The following ERP44 variants were observed in gnomAD, a reference collection of about 807,000 sequenced individuals.
ERP44 encodes the protein endoplasmic reticulum protein 44, also known as endoplasmic reticulum resident protein 44.
In ERP44, 25 loss-of-function variants were observed where a neutral mutation model predicts 53.4. The observed-to-expected ratio is 0.47, with a 90% CI of 0.34 to 0.65. The LOEUF (loss-of-function observed/expected upper bound fraction) is 0.65, where lower values mean the gene tolerates loss of function less well. Ranked by LOEUF, ERP44 falls within the 30% of genes least tolerant of loss-of-function variation. The pLI is 0.01. For missense variants in ERP44, 338 were observed against 493.2 expected, an observed-to-expected ratio of 0.69 and a Z score of 2.98; for synonymous variants, 145 against 161.2, an observed-to-expected ratio of 0.90 and a Z score of 0.76.
intron 1 of ERP44, among the ~76,000 whole-genome samples, chr9:100,067,168 G>GCTCT (rs1257842475): frequency 1.4e-5 from 2 of 146,824 alleles, no homozygotes; most frequent in Admixed American, 1.3e-4. Flanking sequence ...TCTCCCTCTC[G>GCTCT]CTCTCCCTCT....
rs1269596807 is a variant in ERP44 at position 100,022,230 on chromosome 9, A to C, written c.287-4T>G. ...CTGTATCTCTGGGCTATGTCAGCTA[A>C]AAGAATGAAAAAAAATTATTTACCC... On this transcript the variant is annotated splice_polypyrimidine_tract_variant and splice_region_variant and intron_variant, in intron 4 of 11. Coordinates refer to ENST00000262455, the MANE Select transcript of ERP44 (RefSeq NM_015051.3). The C allele has an allele frequency of 1.2e-6, 2 of 1,602,748 alleles. No homozygotes were observed. Among genetic ancestry groups the C allele is most frequent in the South Asian group, 2.2e-5 (2 of 89,052 alleles).
At chr9:100,098,706 G>A in intron 1 of ERP44, 78 bp downstream of exon 1, 2 of 1,167,808 alleles carry the variant, frequency 1.7e-6, no homozygotes, top group Non-Finnish European at 2.6e-6. Context: ...GCAGGGGCAG[G>A]AGTAGCAGTG....
chr9:100,018,279 T>G lies in ERP44; in HGVS notation c.622A>C (p.Asn208His), dbSNP rs1219827766. The change falls in exon 7 of 12, where the codon AAC (asparagine) becomes CAC (histidine). Residue 208 changes from asparagine to histidine, a missense_variant. Coordinates refer to ENST00000262455, the MANE Select transcript of ERP44 (RefSeq NM_015051.3). ...VSKPERYSGD[N>H]IIYKPPGHSA... ...ACCCCTGGTGGTTTGTAGATTATGT[T>G]GTCGCCACTATATCTTTCCGGTTTT... 3 of 1,606,952 alleles carry G rather than the reference T, an allele frequency of 1.9e-6. No homozygotes were observed. The highest frequency in any genetic ancestry group is 1.7e-5 in the Admixed American group (1 of 60,022).
chr9:100,024,878 G>A (rs899274711), intron 4 of ERP44, among the ~76,000 whole-genome samples: 1 of 152,150 alleles, frequency 6.6e-6, no homozygotes, highest in South Asian at 2.1e-4. Flanking sequence ...TTATCAGTAA[G>A]TTAATTCCAA....
intron 6 of ERP44, 121 bp downstream of exon 6, chr9:100,020,495 T>C (rs1161410676): frequency 1.6e-6 from 1 of 612,304 alleles, no homozygotes; most frequent in East Asian, 2.8e-5. Context: ...GACTGTTTAG[T>C]GATTTTAAAA....
At chr9:100,004,768 G>A (rs1265638057) in intron 10 of ERP44, among the ~76,000 whole-genome samples, 1 of 152,078 alleles carries the variant, frequency 6.6e-6, no homozygotes, top group Non-Finnish European at 1.5e-5. Flanking sequence ...CTTAGCTCTT[G>A]TGAAGGTATT....
At chr9:99,990,018 G>A (rs571460117) in intron 10 of ERP44, among the ~76,000 whole-genome samples, 5 of 152,298 alleles carry the variant, frequency 3.3e-5, no homozygotes, top group South Asian at 4.1e-4. Flanking sequence ...ATGAGACTAC[G>A]TGAAAAGACC....
At chr9:100,027,691 G>C (rs1447763915) in intron 4 of ERP44, among the ~76,000 whole-genome samples, 2 of 152,120 alleles carry the variant, frequency 1.3e-5, no homozygotes, top group African/African-American at 4.8e-5. Flanking sequence ...GGTCCTGCCT[G>C]CCTGCCTCAC....
chr9:99,989,250 C>A (rs148938638), intron 10 of ERP44, among the ~76,000 whole-genome samples: 1 of 152,186 alleles, frequency 6.6e-6, no homozygotes, highest in Non-Finnish European at 1.5e-5. Flanking sequence ...CCCTGACCCC[C>A]GTGTAGCCTA....
chr9:100,015,040 C>G (rs1830514119), intron 8 of ERP44, among the ~76,000 whole-genome samples: 1 of 152,118 alleles, frequency 6.6e-6, no homozygotes. Context: ...TCTGAGGTCT[C>G]TTTTATGAGT....
chr9:100,058,647 T>G (rs1363839618), intron 2 of ERP44, among the ~76,000 whole-genome samples: 1 of 152,202 alleles, frequency 6.6e-6, no homozygotes, highest in Non-Finnish European at 1.5e-5. Context: ...GCCAGTTTTT[T>G]AATTCCTATC....
chr9:100,086,866 C>A (rs115010980), intron 1 of ERP44, among the ~76,000 whole-genome samples: 2,355 of 152,118 alleles, frequency 0.015, 52 homozygotes, highest in African/African-American at 0.054. Flanking sequence ...AGAATCCACA[C>A]AACAAACACA....
chr9:100,046,138 T>C (rs929403317), intron 4 of ERP44, among the ~76,000 whole-genome samples: 5 of 151,684 alleles, frequency 3.3e-5, no homozygotes, highest in African/African-American at 1.2e-4. Flanking sequence ...TACTGAGAGA[T>C]CTCACAAAAG....
In ERP44 at chr9:100,098,846, C is replaced by A. The variant is rs765724889; in HGVS notation, c.-6G>T. 6 of 1,612,786 alleles carry A rather than the reference C, an allele frequency of 3.7e-6. No individual in the cohort carries two copies. The highest frequency in any genetic ancestry group is 1.3e-5 in the African/African-American group (1 of 74,868). The stretch of plus-strand genomic sequence containing the variant: ...AGGAAGACGGCAGGATGCATGGTAA[C>A]GCTGGGGTCCGTGACAGGGACAGGC... On this transcript the variant is annotated 5_prime_UTR_variant, in exon 1 of 12. Transcript: ENST00000262455.
rs139702068 is a variant in ERP44 at position 100,056,788 on chromosome 9, T to C, written c.170+1032A>G. Reference sequence around the variant, plus strand: ...AATTTTATAGGAATTGAAAGAAGTTTAGTATAACTGGAGCAGAATGTGGAA... The same window carrying C: ...AATTTTATAGGAATTGAAAGAAGTTCAGTATAACTGGAGCAGAATGTGGAA... On this transcript the variant is annotated intron_variant, in intron 3 of 11. Transcript: ENST00000262455. 7.4e-3 allele frequency among the ~76,000 whole-genome samples: 1,126 copies of C among 152,284 alleles called. 16 individuals are homozygous for C. Among genetic ancestry groups the C allele is most frequent in the African/African-American group, 0.025 (1,041 of 41,550 alleles).
chr9:100,014,544 C>T (rs531618596), intron 8 of ERP44, among the ~76,000 whole-genome samples: 17 of 152,346 alleles, frequency 1.1e-4, no homozygotes, highest in Admixed American at 3.3e-4. Flanking sequence ...CCACCTTGGC[C>T]TCCCAAAGTG....
At chr9:100,033,700 T>G (rs1189215751) in intron 4 of ERP44, among the ~76,000 whole-genome samples, 1 of 152,214 alleles carries the variant, frequency 6.6e-6, no homozygotes, top group Non-Finnish European at 1.5e-5. Flanking sequence ...TTGAGGTTTT[T>G]TCTGCTATTG....
intron 8 of ERP44, among the ~76,000 whole-genome samples, chr9:100,010,662 G>A (rs2118638044): frequency 6.6e-6 from 1 of 152,262 alleles, no homozygotes; most frequent in South Asian, 2.1e-4. Flanking sequence ...AGCACTTTGG[G>A]AGTCTGAGGC....
Position 100,060,100 on chromosome 9 carries a change from T to G in ERP44, c.130A>C (p.Asn44His), listed in dbSNP as rs368653588. 6.0e-5 allele frequency: 88 copies of G among 1,463,490 alleles called. No homozygotes were observed. The highest frequency in any genetic ancestry group is 7.4e-5 in the Non-Finnish European group (82 of 1,106,916). The allele number at this position is 1,463,490 out of a possible 1,614,324, so 90.7% of individuals were successfully genotyped here. ...ACTTTAAAAATATTGAGGTACTTACTTAAAATTTCATCTATATTCTCTGTA... is the reference window on the plus strand; with the variant it reads ...ACTTTAAAAATATTGAGGTACTTACGTAAAATTTCATCTATATTCTCTGTA... ...LDTENIDEILNNADVALVNFY... is the reference protein window; with the variant it reads ...LDTENIDEILHNADVALVNFY... The change falls in exon 2 of 12, where the codon AAC becomes CAC. Residue 44 changes from asparagine (N) to histidine (H), a missense_variant and splice_region_variant. By Grantham distance (68) the Asn-to-His change is moderately conservative. Transcript: ENST00000262455.
Sources: gnomAD v4.1 joint callset for allele counts (sites outside exome capture counted in the v4.1 genomes callset) on GRCh38, gnomAD v4.1.1 for gene constraint, MANE v1.5 for transcripts, NCBI Gene and HGNC (gene_info 2026-07-23, HGNC 2026-07-21) for gene names.